MARCHF6: variants seen among roughly 807,000 people sequenced by gnomAD.
MARCHF6 encodes the protein membrane associated ring-CH-type finger 6.
MARCHF6 carries 31 observed loss-of-function variants against 133.7 expected under a neutral mutation model. The ratio of observed to expected loss-of-function variants is 0.23; its 90% CI spans 0.17 to 0.31. The LOEUF is 0.31. Among genes scored for constraint, MARCHF6 ranks in the 10% least tolerant of loss-of-function variants. The pLI is 1.00. For synonymous variants in MARCHF6, 395 were observed against 402.5 expected (o/e 0.98, Z 0.22); for missense variants, 723 against 1,121.6 (o/e 0.64, Z 5.08).
intron 22 of MARCHF6, among the ~76,000 whole-genome samples, chr5:10,419,977 A>C (rs956776405): frequency 6.6e-6 from 1 of 152,216 alleles, no homozygotes; most frequent in African/African-American, 2.4e-5. Flanking sequence ...CTGGAAACAC[A>C]CAACTAGTGG....
chr5:10,354,117 C>G, intron 1 of MARCHF6, 200 bp downstream of exon 1: 1 of 386,638 alleles, frequency 2.6e-6, no homozygotes, highest in Non-Finnish European at 4.4e-6. Context: ...CCCGCGCCGC[C>G]GAGGGGGGCG....
chr5:10,374,924 A>C (rs1736679401), intron 1 of MARCHF6, among the ~76,000 whole-genome samples: 2 of 152,156 alleles, frequency 1.3e-5, no homozygotes, highest in Non-Finnish European at 2.9e-5. Context: ...TGTCCCATTG[A>C]TAGTTATTCT....
chr5:10,362,083 C>T (rs960705160), intron 1 of MARCHF6, among the ~76,000 whole-genome samples: 4 of 151,952 alleles, frequency 2.6e-5, no homozygotes, highest in African/African-American at 9.7e-5. Context: ...TTTTACTTTC[C>T]TGTCTCTCTC....
rs1739398121 is a variant in MARCHF6 at position 10,414,517 on chromosome 5, T to C, written c.1966+15T>C. Reference sequence around the variant, plus strand: ...TACTTTACCAGGTATGAGCTTGTGCTAGCCTTCAGCTAATAGCATCATTAA... The same window carrying C: ...TACTTTACCAGGTATGAGCTTGTGCCAGCCTTCAGCTAATAGCATCATTAA... On this transcript the variant is annotated intron_variant, in intron 20 of 25. Transcript: ENST00000274140. 4 of 1,596,476 alleles carry C rather than the reference T, an allele frequency of 2.5e-6. No homozygotes were observed. The highest frequency in any genetic ancestry group is 3.4e-6 in the Non-Finnish European group (4 of 1,164,560).
intron 1 of MARCHF6, among the ~76,000 whole-genome samples, chr5:10,361,868 A>C (rs2126645863): frequency 6.6e-6 from 1 of 151,626 alleles, no homozygotes; most frequent in South Asian, 2.1e-4. Context: ...GATTCAAGGG[A>C]TTCTCCTGCC....
At chr5:10,369,345 G>A (rs1272849579) in intron 1 of MARCHF6, among the ~76,000 whole-genome samples, 1 of 152,144 alleles carries the variant, frequency 6.6e-6, no homozygotes, top group Non-Finnish European at 1.5e-5. Context: ...TGTGCTCATT[G>A]GGTGTACACT....
chr5:10,393,685 A>G (rs189300004), intron 7 of MARCHF6, among the ~76,000 whole-genome samples: 13 of 152,308 alleles, frequency 8.5e-5, no homozygotes, highest in African/African-American at 2.9e-4. Context: ...TCCAGACTCC[A>G]CATTCCTCTT....
At chr5:10,402,739 T>A in intron 14 of MARCHF6, 132 bp downstream of exon 14, 1 of 798,424 alleles carries the variant, frequency 1.3e-6, no homozygotes, top group Non-Finnish European at 2.0e-6. Flanking sequence ...TGTGTATCAG[T>A]ATAGGATCTT....
At chr5:10,388,439 G>A (rs1276646958) in intron 5 of MARCHF6, among the ~76,000 whole-genome samples, 1 of 152,132 alleles carries the variant, frequency 6.6e-6, no homozygotes. Context: ...TTGAGGTCAT[G>A]TCTAGGTGCA....
At chr5:10,432,000 A>G (rs1740395990) in intron 25 of MARCHF6, among the ~76,000 whole-genome samples, 1 of 152,208 alleles carries the variant, frequency 6.6e-6, no homozygotes, top group South Asian at 2.1e-4. Flanking sequence ...GCTAACTTCA[A>G]GAAAAGAAGG....
intron 25 of MARCHF6, 95 bp downstream of exon 25, chr5:10,430,123 G>T: frequency 7.2e-7 from 1 of 1,384,608 alleles, no homozygotes; most frequent in South Asian, 1.3e-5. Context: ...AACATGCTCA[G>T]ATTCTGGATA....
rs564701229 is a variant in MARCHF6, at chr5:10,391,989, C to T, written c.766+258C>T. Among the ~76,000 whole-genome samples the T allele has an allele frequency of 5.3e-3, 768 of 144,986 alleles. 8 individuals are homozygous for T. Among genetic ancestry groups the T allele is most frequent in the Non-Finnish European group, 7.7e-3 (518 of 66,964 alleles). On this transcript the variant is annotated intron_variant, in intron 7 of 25. Coordinates refer to ENST00000274140, the MANE Select transcript of MARCHF6 (RefSeq NM_005885.4). ...TTTTTTTTTTTGGGAGACTGAGTCT[C>T]GCTCTGTCGCCCAGGCTGGAGTGCA... is the stretch of plus-strand genomic sequence containing the variant.
intron 22 of MARCHF6, among the ~76,000 whole-genome samples, chr5:10,423,189 A>T (rs976599105): frequency 2.1e-5 from 3 of 143,210 alleles, no homozygotes; most frequent in African/African-American, 8.1e-5. Flanking sequence ...GTGGGGAGGG[A>T]GGAAGTAGTC....
At chr5:10,406,215 A>G (rs540639014) in intron 16 of MARCHF6, among the ~76,000 whole-genome samples, 51 of 152,214 alleles carry the variant, frequency 3.4e-4, no homozygotes, top group Non-Finnish European at 5.6e-4. Flanking sequence ...CCCTGATGCC[A>G]AAATGGTTGG....
Position 10,427,303 on chromosome 5 carries a change from C to T in MARCHF6, c.2506+781C>T, listed in dbSNP as rs117370283. ...GCCTTGAACCTGCCATCACTAATTC[C>T]TTCTCCACACTGGGCACAATGACCT... On this transcript the variant is annotated intron_variant, in intron 24 of 25. Coordinates refer to ENST00000274140, the MANE Select transcript of MARCHF6 (RefSeq NM_005885.4). 3.9e-5 allele frequency among the ~76,000 whole-genome samples: 6 copies of T among 152,366 alleles called. No homozygotes were observed. The East Asian group carries it at 1.2e-3, about 29-fold the overall frequency.
At chr5:10,428,125 A>G (rs550829824) in intron 24 of MARCHF6, among the ~76,000 whole-genome samples, 1 of 152,000 alleles carries the variant, frequency 6.6e-6, no homozygotes, top group Admixed American at 6.6e-5. Flanking sequence ...TGTATCCCTC[A>G]GTCTGCAGGA....
chr5:10,410,185 G>A lies in MARCHF6; in HGVS notation c.1600G>A (p.Val534Ile). 1 of 1,614,062 alleles carries A rather than the reference G, an allele frequency of 6.2e-7. No homozygotes were observed. Among genetic ancestry groups the A allele is most frequent in the Non-Finnish European group, 8.5e-7 (1 of 1,180,026 alleles). The change falls in exon 18 of 26, where the codon GTT (valine) becomes ATT (isoleucine). Residue 534 changes from valine to isoleucine, a missense_variant. This residue lies in a region of MARCHF6 where 492 missense variants were observed against 699.5 expected (regional missense o/e 0.70). Coordinates refer to ENST00000274140, the MANE Select transcript of MARCHF6 (RefSeq NM_005885.4). ...GTCCCTCGAGCTGCTTCTGCTTCAGGTTGTCTTGCCAGCATTACTCGAACA... is the reference window on the plus strand; with the variant it reads ...GTCCCTCGAGCTGCTTCTGCTTCAGATTGTCTTGCCAGCATTACTCGAACA... ...ELSLELLLLQVVLPALLEQGH... is the reference protein window; with the variant it reads ...ELSLELLLLQIVLPALLEQGH...
chr5:10,397,371 T>TA, intron 10 of MARCHF6, 27 bp downstream of exon 10: 2 of 1,518,088 alleles, frequency 1.3e-6, no homozygotes, highest in Non-Finnish European at 8.9e-7. Context: ...CTTTTTTTTT[T>TA]TATAGTATTA....
chr5:10,373,926 C>G (rs548294956), intron 1 of MARCHF6, among the ~76,000 whole-genome samples: 4 of 152,232 alleles, frequency 2.6e-5, no homozygotes, highest in African/African-American at 4.8e-5. Flanking sequence ...TGATCCGCAC[C>G]TGTGGCTTCA....
Sources: gnomAD v4.1 joint callset for allele counts (sites outside exome capture counted in the v4.1 genomes callset) on GRCh38, gnomAD v4.1.1 for gene constraint, gnomAD v4.1.1 regional missense constraint, MANE v1.5 for transcripts, NCBI Gene and HGNC (gene_info 2026-07-23, HGNC 2026-07-21) for gene names.